Variants in ZNF100 observed in about 807,000 individuals in gnomAD.
The protein encoded by ZNF100 is zinc finger protein 100.
In ZNF100, 12 loss-of-function variants were observed where a neutral mutation model predicts 15.8. The observed-to-expected ratio is 0.76, with a 90% CI of 0.49 to 1.23. The LOEUF is 1.23. ZNF100 is among the 50% of genes most tolerant of loss of function. ZNF100 has a pLI of 0.00. For missense variants in ZNF100, 670 were observed against 635.6 expected (o/e 1.05, Z -0.58); for synonymous variants, 226 against 214.8 (o/e 1.05, Z -0.45).
intron 4 of ZNF100, among the ~76,000 whole-genome samples, chr19:21,730,097 T>G (rs2035885801): frequency 6.6e-6 from 1 of 151,998 alleles, no homozygotes; most frequent in South Asian, 2.1e-4. Flanking sequence ...ATAACATTAG[T>G]ATGTCTTTCT....
At chr19:21,740,930 T>C (rs890139446) in intron 4 of ZNF100, among the ~76,000 whole-genome samples, 1 of 152,164 alleles carries the variant, frequency 6.6e-6, no homozygotes, top group African/African-American at 2.4e-5. Flanking sequence ...ATTCAAAATA[T>C]GCAACAAAAG....
intron 1 of ZNF100, among the ~76,000 whole-genome samples, chr19:21,766,043 G>A (rs1394269052): frequency 2.0e-5 from 3 of 152,154 alleles, no homozygotes; most frequent in Non-Finnish European, 2.9e-5. Flanking sequence ...AGTGTCAGAG[G>A]ATTAGTCTTT....
At chr19:21,762,169 C>T (rs1452710877) in intron 2 of ZNF100, among the ~76,000 whole-genome samples, 1 of 151,982 alleles carries the variant, frequency 6.6e-6, no homozygotes, top group Non-Finnish European at 1.5e-5. Context: ...CAAAGCAAGA[C>T]TATGCCTCAA....
chr19:21,743,752 C>T (rs1362400191), intron 4 of ZNF100, among the ~76,000 whole-genome samples: 1 of 150,516 alleles, frequency 6.6e-6, no homozygotes, highest in Admixed American at 6.7e-5. Context: ...TTGAAAAGGA[C>T]TCTGGCTCTC....
rs60569922 is a variant in ZNF100, at chr19:21,733,981, G to A, written c.323-5992C>T. ...AATCACAGCGGCCCTACAGAAGACG[G>A]GCCTGACTGTTAAAGGAAAAACAGA... On this transcript the variant is annotated intron_variant, in intron 4 of 4. Coordinates refer to ENST00000358296, the MANE Select transcript of ZNF100 (RefSeq NM_173531.4). Among the ~76,000 whole-genome samples the A allele has an allele frequency of 4.2e-3, 638 of 152,268 alleles. 5 individuals are homozygous for A. Among genetic ancestry groups the A allele is most frequent in the African/African-American group, 0.015 (608 of 41,530 alleles).
At chr19:21,762,311 A>G (rs2036495184) in intron 2 of ZNF100, among the ~76,000 whole-genome samples, 3 of 152,250 alleles carry the variant, frequency 2.0e-5, no homozygotes, top group South Asian at 4.1e-4. Context: ...AGACATGACA[A>G]TCAGCCACGA....
At chr19:21,763,200 T>C (rs2036508037) in intron 2 of ZNF100, among the ~76,000 whole-genome samples, 1 of 152,206 alleles carries the variant, frequency 6.6e-6, no homozygotes, top group Non-Finnish European at 1.5e-5. Context: ...CTTTATGGAC[T>C]CACCTTGATT....
chr19:21,737,601 A>C (rs2036031726), intron 4 of ZNF100, among the ~76,000 whole-genome samples: 1 of 151,910 alleles, frequency 6.6e-6, no homozygotes, highest in African/African-American at 2.4e-5. Flanking sequence ...TATAAACACC[A>C]CTATGCACAT....
chr19:21,755,165 G>C (rs1270134003), intron 2 of ZNF100, among the ~76,000 whole-genome samples: 1 of 151,998 alleles, frequency 6.6e-6, no homozygotes, highest in Non-Finnish European at 1.5e-5. Flanking sequence ...TACAAACTTA[G>C]CCAGGCATGG....
At chr19:21,765,656 G>T in intron 2 of ZNF100, 38 bp downstream of exon 2, 1 of 1,593,848 alleles carries the variant, frequency 6.3e-7, no homozygotes, top group South Asian at 1.1e-5. Flanking sequence ...ATGAAAGCTG[G>T]GTTGGGTGAA....
chr19:21,727,970 G>A lies in ZNF100; in HGVS notation c.342C>T (p.Pro114=), dbSNP rs1204702032. 1.3e-6 allele frequency: 2 copies of A among 1,524,090 alleles called. No homozygotes were observed. The highest frequency in any genetic ancestry group is 2.3e-5 in the East Asian group (1 of 43,864). The allele number at this position is 1,524,090 out of a possible 1,614,324, so 94.4% of individuals were successfully genotyped here. A position where few individuals can be genotyped will look rare whatever the true frequency, so the allele number is the denominator to read the frequency against. ...TGTCCTGCTCTGCCCAAAGGTCTTG[G>A]GGAAAATGAGAACATATAACTGAAA... is the stretch of plus-strand genomic sequence containing the variant. The part of the protein sequence containing the change: ...AKPPVICSHF[P]QDLWAEQDIK... Residue 114 remains proline, a synonymous_variant, in exon 5 of 5, where the codon CCC becomes CCT. Coordinates refer to ENST00000358296, the MANE Select transcript of ZNF100 (RefSeq NM_173531.4).
chr19:21,737,733 T>C (rs1048727332), intron 4 of ZNF100, among the ~76,000 whole-genome samples: 1 of 152,044 alleles, frequency 6.6e-6, no homozygotes, highest in African/African-American at 2.4e-5. Flanking sequence ...GAGACAGTAA[T>C]AAGTAGGCTG....
chr19:21,764,028 T>A (rs1231629826), intron 2 of ZNF100, among the ~76,000 whole-genome samples: 1 of 152,208 alleles, frequency 6.6e-6, no homozygotes, highest in Non-Finnish European at 1.5e-5. Flanking sequence ...TAACCTTAAC[T>A]GCATCTGCCT....
chr19:21,739,271 T>G (rs540902333), intron 4 of ZNF100, among the ~76,000 whole-genome samples: 1 of 152,230 alleles, frequency 6.6e-6, no homozygotes, highest in Non-Finnish European at 1.5e-5. Flanking sequence ...ACAAGTCTTA[T>G]TGAAGAATAC....
Position 21,755,084 on chromosome 19 carries a change from G to A in ZNF100, c.97-10017C>T, listed in dbSNP as rs537638244. 7.2e-5 allele frequency among the ~76,000 whole-genome samples: 11 copies of A among 152,204 alleles called. No homozygotes were observed. The South Asian group carries it at 8.3e-4, about 11-fold the overall frequency. On this transcript the variant is annotated intron_variant, in intron 2 of 4. Transcript: ENST00000358296. ...TCCCAGCACTTTGGGAGGCCGAGGC[G>A]GCTGGATCACCTGAGGTCGGGAGTT... is the stretch of plus-strand genomic sequence containing the variant.
intron 4 of ZNF100, among the ~76,000 whole-genome samples, chr19:21,730,451 T>A (rs1214580834): frequency 1.2e-4 from 15 of 120,828 alleles, no homozygotes; most frequent in African/African-American, 5.0e-4. Context: ...CCTAAGTGTG[T>A]GTGTGTGTGT....
At chr19:21,733,668 TTTCTC>T (rs2035959450) in intron 4 of ZNF100, among the ~76,000 whole-genome samples, 1 of 152,282 alleles carries the variant, frequency 6.6e-6, no homozygotes, top group African/African-American at 2.4e-5. Flanking sequence ...ATGTATGGAA[TTTCTC>T]CCAGTGAAGC....
chr19:21,723,606 G>A lies in ZNF100; in HGVS notation c.*3077C>T, dbSNP rs1270154051. 6.6e-6 allele frequency: 1 copy of A among 152,138 alleles called. No homozygotes were observed. The allele number at this position is 152,138 out of a possible 1,614,324, so 9.4% of individuals were successfully genotyped here. A position where few individuals can be genotyped will look rare whatever the true frequency, so the allele number is the denominator to read the frequency against. On this transcript the variant is annotated 3_prime_UTR_variant, in exon 5 of 5. Transcript: ENST00000358296. ...CAGCAAGATTCAGCATTGCAGCCTGGAAACTATGTCCTCTCCACATGAAGA... is the reference window on the plus strand; with the variant it reads ...CAGCAAGATTCAGCATTGCAGCCTGAAAACTATGTCCTCTCCACATGAAGA...
chr19:21,762,243 T>C (rs1175220965), intron 2 of ZNF100, among the ~76,000 whole-genome samples: 1 of 152,224 alleles, frequency 6.6e-6, no homozygotes, highest in Non-Finnish European at 1.5e-5. Context: ...CTCTTTCTAC[T>C]ACTAACAGTG....
Sources: allele counts gnomAD v4.1 joint callset (sites outside exome capture counted in the v4.1 genomes callset), GRCh38; gene constraint gnomAD v4.1.1; transcripts MANE v1.5; gene names NCBI Gene and HGNC (gene_info 2026-07-23, HGNC 2026-07-21).